The following THAP4 variants were observed in gnomAD, a reference collection of about 807,000 sequenced individuals.
THAP4 encodes peroxynitrite isomerase THAP4.
In THAP4, 18 loss-of-function variants were observed where a neutral mutation model predicts 48.1. That is an observed-to-expected ratio of 0.37 (90% CI 0.26 to 0.56). The LOEUF (loss-of-function observed/expected upper bound fraction) is 0.56. Ranked by LOEUF, THAP4 falls within the 20% of genes least tolerant of loss-of-function variation. The probability of loss-of-function intolerance (pLI) is 0.78; values close to 1 mark genes in which losing one functional copy is unlikely to be tolerated. For missense variants in THAP4, 656 were observed against 774.9 expected, an observed-to-expected ratio of 0.85 and a Z score of 1.82; for synonymous variants, 345 against 324.9, an observed-to-expected ratio of 1.06 and a Z score of -0.66.
intron 5 of THAP4, among the ~76,000 whole-genome samples, chr2:241,590,252 G>A (rs543885124): frequency 5.2e-4 from 78 of 150,698 alleles, no homozygotes; most frequent in African/African-American, 1.7e-3. Context: ...ACTCAGAGCT[G>A]CTCGGCTGAT....
intron 5 of THAP4, among the ~76,000 whole-genome samples, chr2:241,594,369 A>G (rs1434832968): frequency 2.0e-5 from 3 of 152,170 alleles, no homozygotes; most frequent in Non-Finnish European, 4.4e-5. Flanking sequence ...GGATTGCTTA[A>G]GCCCAGGAGT....
In THAP4 at chr2:241,606,391, G is replaced by C; in HGVS notation, c.1323C>G (p.Thr441=). 1 of 1,599,336 alleles carries C rather than the reference G, an allele frequency of 6.3e-7. No individual in the cohort carries two copies. Among genetic ancestry groups the C allele is most frequent in the Non-Finnish European group, 8.5e-7 (1 of 1,173,012 alleles). Residue 441 remains threonine, a synonymous_variant, in exon 3 of 6, where the codon ACC becomes ACG. Coordinates refer to ENST00000407315, the MANE Select transcript of THAP4 (RefSeq NM_015963.6). ...TWLSDPPGAG[T]YPTLQPFQYL... ...ACTGGAAGGGCTGCAGTGTGGGGTAGGTCCCGGCTCCAGGTGGGTCCGACA... is the reference window on the plus strand; with the variant it reads ...ACTGGAAGGGCTGCAGTGTGGGGTACGTCCCGGCTCCAGGTGGGTCCGACA...
chr2:241,632,954 G>A lies in THAP4; in HGVS notation c.1203C>T (p.Ser401=), dbSNP rs1357980631. 8 of 1,611,208 alleles carry A rather than the reference G, an allele frequency of 5.0e-6. No homozygotes were observed. Among genetic ancestry groups the A allele is most frequent in the Non-Finnish European group, 6.8e-6 (8 of 1,178,732 alleles). ...ACAGCAGGCTACTTGGATAGGGGAC[G>A]CTCACTCTCCTCAGCTCATCCAGCT... ...QEKLDELRRV[S]VPYPSSLLSP... Residue 401 remains serine (S), a synonymous_variant, in exon 2 of 6, where the codon AGC becomes AGT. Coordinates refer to ENST00000407315, the MANE Select transcript of THAP4 (RefSeq NM_015963.6).
At chr2:241,636,889 TC>T (rs1329652754) in intron 1 of THAP4, 51 bp downstream of exon 1, 2 of 1,060,474 alleles carry the variant, frequency 1.9e-6, no homozygotes, top group East Asian at 8.8e-5. Flanking sequence ...GGCCTCAGTT[TC>T]CCCGCAGGGC....
intron 2 of THAP4, among the ~76,000 whole-genome samples, chr2:241,611,448 C>T (rs903492684): frequency 6.6e-6 from 1 of 152,194 alleles, no homozygotes; most frequent in Non-Finnish European, 1.5e-5. Flanking sequence ...GCCGGCTGGA[C>T]GCAGTGGCTC....
rs1273682257 is a variant in THAP4, at chr2:241,603,019, G to A, written c.1461C>T (p.Arg487=). The A allele has an allele frequency of 6.2e-7, 1 of 1,614,206 alleles. No individual in the cohort carries two copies. The highest frequency in any genetic ancestry group is 1.1e-5 in the South Asian group (1 of 91,092). ...KPMHRECGFI[R]LKPDTNKVAF... is the part of the protein sequence containing the mutation. ...CCACCTTGTTGGTGTCGGGCTTGAG[G>A]CGAATGAAGCCACACTCTCTGTGCA... Residue 487 remains arginine (R), a synonymous_variant, in exon 4 of 6, where the codon CGC becomes CGT. Coordinates refer to ENST00000407315, the MANE Select transcript of THAP4 (RefSeq NM_015963.6).
At chr2:241,584,937 A>G in intron 5 of THAP4, 2 of 608,034 alleles carry the variant, frequency 3.3e-6, no homozygotes, top group Non-Finnish European at 5.9e-6. Flanking sequence ...AGGGGAACAC[A>G]GGGATTGTTT....
intron 2 of THAP4, among the ~76,000 whole-genome samples, chr2:241,625,094 T>G (rs2067480592): frequency 6.6e-6 from 1 of 152,112 alleles, no homozygotes; most frequent in African/African-American, 2.4e-5. Flanking sequence ...AAGGAAGAAA[T>G]GAAACCAGAA....
intron 5 of THAP4, among the ~76,000 whole-genome samples, chr2:241,589,374 A>G (rs1427988065): frequency 6.6e-6 from 1 of 152,158 alleles, no homozygotes; most frequent in Non-Finnish European, 1.5e-5. Flanking sequence ...CAGAACAAAC[A>G]ACAGGCTCTT....
intron 5 of THAP4, among the ~76,000 whole-genome samples, chr2:241,599,542 TGAG>T (rs2067087952): frequency 1.3e-5 from 2 of 152,126 alleles, no homozygotes; most frequent in Non-Finnish European, 2.9e-5. Context: ...ATAAAACACT[TGAG>T]TTTACCCTAA....
intron 2 of THAP4, among the ~76,000 whole-genome samples, chr2:241,614,435 G>C (rs1489213582): frequency 6.6e-6 from 1 of 152,180 alleles, no homozygotes; most frequent in Non-Finnish European, 1.5e-5. Context: ...CTATAAAGCA[G>C]AAATTACTGA....
chr2:241,624,485 CA>C (rs112411066), intron 2 of THAP4, among the ~76,000 whole-genome samples: 2,376 of 132,676 alleles, frequency 0.018, 56 homozygotes, highest in African/African-American at 0.053. Flanking sequence ...GACTCTTTCT[CA>C]AAAAAAAAAA....
chr2:241,592,783 C>T (rs913794900), intron 5 of THAP4, among the ~76,000 whole-genome samples: 6 of 152,190 alleles, frequency 3.9e-5, no homozygotes, highest in East Asian at 3.8e-4. Context: ...ACGCTATGGC[C>T]GGCAGCATCA....
chr2:241,619,795 C>T (rs190477394), intron 2 of THAP4, among the ~76,000 whole-genome samples: 4 of 42,042 alleles, frequency 9.5e-5, no homozygotes, highest in South Asian at 1.0e-3. Context: ...GTGAGGGGTG[C>T]GTGAGTCGTG....
In THAP4 at chr2:241,616,153, A is replaced by G. The variant is rs1476232393; in HGVS notation, c.1241-9680T>C. Among the ~76,000 whole-genome samples, 2 of 152,226 alleles carry G rather than the reference A, an allele frequency of 1.3e-5. No individual in the cohort carries two copies. The highest frequency in any genetic ancestry group is 2.9e-5 in the Non-Finnish European group (2 of 68,032). ...TTGAACTGGACCATCTATTCCCCCA[A>G]GTGGGCCTGGATGGGCCAGAACCTT... On this transcript the variant is annotated intron_variant, in intron 2 of 5. Coordinates refer to ENST00000407315, the MANE Select transcript of THAP4 (RefSeq NM_015963.6). The surrounding 1 kb of genome is among the most constrained non-coding windows in gnomAD (Gnocchi z 4.6).
At position 241,637,090 on chromosome 2, in the gene THAP4, G is replaced by GA; in HGVS notation, c.-74dup. 1 of 1,030,612 alleles carries GA rather than the reference G, an allele frequency of 9.7e-7. No homozygotes were observed. Among genetic ancestry groups the GA allele is most frequent in the Non-Finnish European group, 1.2e-6 (1 of 862,404 alleles). The allele number at this position is 1,030,612 out of a possible 1,614,324, so 63.8% of individuals were successfully genotyped here. A position where few individuals can be genotyped will look rare whatever the true frequency, so the allele number is the denominator to read the frequency against. On this transcript the variant is annotated 5_prime_UTR_variant, in exon 1 of 6. Transcript: ENST00000407315. ...CGCCCGCCCGCGGACCGCCCCGAGG[G>GA]AGGGAGCGCGGCGGCGACACGGCTC...
chr2:241,629,412 A>C lies in THAP4; in HGVS notation c.1240+3505T>G, dbSNP rs539885839. 2.0e-5 allele frequency among the ~76,000 whole-genome samples: 3 copies of C among 151,818 alleles called. No homozygotes were observed. In the East Asian group the frequency reaches 5.8e-4, roughly 29 times the overall value. ...CTTGAGCCCAGGAGGTCAAGGCTGC[A>C]GTGAGCTGTGATAGGACCACCACAC... On this transcript the variant is annotated intron_variant, in intron 2 of 5. Coordinates refer to ENST00000407315, the MANE Select transcript of THAP4 (RefSeq NM_015963.6).
intron 5 of THAP4, among the ~76,000 whole-genome samples, chr2:241,586,394 C>T (rs532844412): frequency 5.9e-5 from 9 of 152,032 alleles, no homozygotes; most frequent in African/African-American, 1.9e-4. Context: ...CTACTGAACA[C>T]GAGCTGTCCA....
intron 2 of THAP4, among the ~76,000 whole-genome samples, chr2:241,629,033 A>G (rs2067527702): frequency 1.3e-5 from 2 of 152,152 alleles, no homozygotes; most frequent in Non-Finnish European, 2.9e-5. Flanking sequence ...GTATACTTCA[A>G]TCTAATAATC....
Sources: allele counts gnomAD v4.1 joint callset (sites outside exome capture counted in the v4.1 genomes callset), GRCh38; gene constraint gnomAD v4.1.1; non-coding constraint Gnocchi (gnomAD v3.1); transcripts MANE v1.5; gene names NCBI Gene and HGNC (gene_info 2026-07-23, HGNC 2026-07-21).